Variants in SRGAP3 observed in about 807,000 individuals in gnomAD.
SRGAP3 encodes SLIT-ROBO Rho GTPase activating protein 3, also known as SLIT-ROBO Rho GTPase-activating protein 3.
SRGAP3 carries 39 observed loss-of-function variants against 121.1 expected under a neutral mutation model. The observed-to-expected ratio is 0.32, with a 90% CI of 0.25 to 0.42. The LOEUF (loss-of-function observed/expected upper bound fraction) is 0.42, where lower values mean the gene tolerates loss of function less well. Among genes scored for constraint, SRGAP3 ranks in the 10% least tolerant of loss-of-function variants. The pLI is 1.00. For missense variants in SRGAP3, 1,213 were observed against 1,470.6 expected (o/e 0.82, Z 2.86); for synonymous variants, 601 against 570.0 (o/e 1.05, Z -0.77).
At chr3:9,341,576 T>C (rs1326487635) in intron 1 of SRGAP3, among the ~76,000 whole-genome samples, 1 of 152,224 alleles carries the variant, frequency 6.6e-6, no homozygotes, top group African/African-American at 2.4e-5. Flanking sequence ...CTGTGGTCCC[T>C]ACCTGAGCAG....
chr3:9,256,133 G>A (rs534804008), intron 3 of SRGAP3, among the ~76,000 whole-genome samples: 29 of 152,242 alleles, frequency 1.9e-4, no homozygotes, highest in African/African-American at 4.6e-4. Context: ...GAAAGGATGG[G>A]AAATCAGTCT....
intron 1 of SRGAP3, among the ~76,000 whole-genome samples, chr3:9,154,173 C>T (rs950798725): frequency 1.3e-5 from 2 of 152,160 alleles, no homozygotes; most frequent in African/African-American, 2.4e-5. Context: ...TGACACATGA[C>T]GTAGCTCCTT....
intron 1 of SRGAP3, among the ~76,000 whole-genome samples, chr3:9,185,788 C>T (rs1292802451): frequency 1.3e-5 from 2 of 152,064 alleles, no homozygotes; most frequent in Admixed American, 6.6e-5. Flanking sequence ...CCTCCCACCT[C>T]GGCTTCCCAA....
At chr3:9,084,086 T>C (rs894853782) in intron 3 of SRGAP3, among the ~76,000 whole-genome samples, 2 of 152,190 alleles carry the variant, frequency 1.3e-5, no homozygotes, top group Non-Finnish European at 2.9e-5. Flanking sequence ...GGAGTTCTAT[T>C]TGATACTTTG....
chr3:8,989,513 C>G (rs73810782), intron 21 of SRGAP3, among the ~76,000 whole-genome samples: 1,842 of 152,248 alleles, frequency 0.012, 30 homozygotes, highest in African/African-American at 0.041. Context: ...TTTTGAACAG[C>G]GATTCAAAGG....
chr3:9,040,750 G>C (rs987686633), intron 10 of SRGAP3, among the ~76,000 whole-genome samples: 1 of 151,976 alleles, frequency 6.6e-6, no homozygotes, highest in African/African-American at 2.4e-5. Context: ...GTAGAGATGA[G>C]GTCTTACTAT....
At chr3:9,025,443 C>T in intron 13 of SRGAP3, 105 bp from the exon 14 acceptor site, 1 of 1,250,330 alleles carries the variant, frequency 8.0e-7, no homozygotes, top group Non-Finnish European at 1.2e-6. Flanking sequence ...GTCTCTTTCT[C>T]CCCCGATCCT....
rs559347769 is a variant in SRGAP3 at position 9,046,557 on chromosome 3, C to A, written c.1408+834G>T. On this transcript the variant is annotated intron_variant, in intron 10 of 21. Coordinates refer to ENST00000383836, the MANE Select transcript of SRGAP3 (RefSeq NM_014850.4). Reference sequence around the variant, plus strand: ...AGCTGGGATTTTATTCCAACTGCCACTGGAATGCATTGAGTGGCTTTAAGC... The same window carrying A: ...AGCTGGGATTTTATTCCAACTGCCAATGGAATGCATTGAGTGGCTTTAAGC... Among the ~76,000 whole-genome samples, 199 of 152,350 alleles carry A rather than the reference C, an allele frequency of 1.3e-3. 1 individual carries two copies. The highest frequency in any genetic ancestry group is 4.6e-3 in the African/African-American group (190 of 41,592).
chr3:9,243,660 G>A (rs548967277), intron 1 of SRGAP3, among the ~76,000 whole-genome samples: 330 of 151,318 alleles, frequency 2.2e-3, no homozygotes, highest in African/African-American at 7.2e-3. Context: ...GAGAGAGAGA[G>A]AGAGAGAAAA....
chr3:9,084,672 C>G (rs1947382692), intron 3 of SRGAP3, among the ~76,000 whole-genome samples: 1 of 152,160 alleles, frequency 6.6e-6, no homozygotes, highest in Admixed American at 6.5e-5. Context: ...ACTACCAGTT[C>G]CCGTAGCAAG....
chr3:9,024,994 G>A (rs149841537), intron 14 of SRGAP3, among the ~76,000 whole-genome samples: 1 of 151,824 alleles, frequency 6.6e-6, no homozygotes, highest in Non-Finnish European at 1.5e-5. Flanking sequence ...GGTGCTGGTG[G>A]TAGGTAAATG....
chr3:9,254,003 T>C (rs1036326560), upstream of SRGAP3, among the ~76,000 whole-genome samples: 2 of 152,148 alleles, frequency 1.3e-5, no homozygotes, highest in African/African-American at 4.8e-5. Context: ...GCTGACAAAT[T>C]CAACCACAGA....
At chr3:9,296,449 T>A (rs956425986) in intron 3 of SRGAP3, among the ~76,000 whole-genome samples, 1 of 152,228 alleles carries the variant, frequency 6.6e-6, no homozygotes, top group African/African-American at 2.4e-5. Flanking sequence ...TTCTAGAAGA[T>A]GGAAAACAGA....
intron 1 of SRGAP3, among the ~76,000 whole-genome samples, chr3:9,146,442 C>A (rs1950026018): frequency 1.3e-5 from 2 of 152,108 alleles, no homozygotes; most frequent in Non-Finnish European, 2.9e-5. Context: ...AGACAGGTAA[C>A]CCCAGCATCA....
upstream of SRGAP3, among the ~76,000 whole-genome samples, chr3:9,253,191 T>C (rs1001518819): frequency 6.6e-6 from 1 of 152,182 alleles, no homozygotes; most frequent in Non-Finnish European, 1.5e-5. Context: ...AGTAACTTAA[T>C]TGCACTGAAG....
intron 3 of SRGAP3, among the ~76,000 whole-genome samples, chr3:9,084,613 T>G (rs1347056381): frequency 6.6e-6 from 1 of 152,206 alleles, no homozygotes; most frequent in Non-Finnish European, 1.5e-5. Context: ...GCTGGGGTTT[T>G]CTGTTACTTG....
rs948248972 is a variant in SRGAP3 at position 9,344,136 on chromosome 3, G to A, written n.215-13540C>T. Among the ~76,000 whole-genome samples the A allele has an allele frequency of 4.6e-5, 7 of 151,570 alleles. No individual in the cohort carries two copies. In the South Asian group the frequency reaches 1.3e-3, roughly 27 times the overall value. The stretch of plus-strand genomic sequence containing the variant: ...GGAGTTGGAGACCAGCCTGGCCAAC[G>A]TGGTGAAAGCCGATCTCTACTAAAA... On this transcript the variant is annotated intron_variant and non_coding_transcript_variant, in intron 1 of 3. Transcript: ENST00000490889.
chr3:9,227,717 A>C (rs1953041325), intron 1 of SRGAP3, among the ~76,000 whole-genome samples: 1 of 152,238 alleles, frequency 6.6e-6, no homozygotes, highest in African/African-American at 2.4e-5. Flanking sequence ...TACGATAGGA[A>C]TGACTAAGGA....
intron 2 of SRGAP3, among the ~76,000 whole-genome samples, 162 bp downstream of exon 2, chr3:9,124,563 A>G (rs191533873): frequency 1.8e-4 from 27 of 152,308 alleles, no homozygotes; most frequent in African/African-American, 6.5e-4. Flanking sequence ...CACATGAGGA[A>G]GACTGAGGCT....
Sources: gnomAD v4.1 joint callset for allele counts (sites outside exome capture counted in the v4.1 genomes callset) on GRCh38, gnomAD v4.1.1 for gene constraint, MANE v1.5 for transcripts, NCBI Gene and HGNC (gene_info 2026-07-23, HGNC 2026-07-21) for gene names.